Variants in SENP7 observed in about 807,000 individuals in gnomAD.
SENP7 encodes SUMO specific peptidase 7.
A neutral mutation model predicts 141.2 loss-of-function variants in SENP7; 64 were observed. That is an observed-to-expected ratio of 0.45 (90% confidence interval 0.37 to 0.56). The LOEUF is 0.56. Among genes scored for constraint, SENP7 ranks in the 20% least tolerant of loss-of-function variants. The pLI, the probability that SENP7 is intolerant of heterozygous loss-of-function variation, is 0.00. For missense variants in SENP7, 1,025 were observed against 1,212.2 expected (o/e 0.85, Z 2.29); for synonymous variants, 382 against 426.4 (o/e 0.90, Z 1.28).
chr3:101,339,335 T>C (rs1391411059), intron 16 of SENP7, among the ~76,000 whole-genome samples: 1 of 152,170 alleles, frequency 6.6e-6, no homozygotes, highest in Non-Finnish European at 1.5e-5. Flanking sequence ...GGTCTAGAGA[T>C]ACAGTACAAA....
At chr3:101,399,156 A>C in intron 5 of SENP7, 101 bp from the exon 6 acceptor site, 2 of 699,934 alleles carry the variant, frequency 2.9e-6, no homozygotes, top group Non-Finnish European at 4.3e-6. Context: ...ATCTTAGCAC[A>C]AGAAAGCTGT....
At chr3:101,507,586 A>G (rs1216360540) in intron 1 of SENP7, among the ~76,000 whole-genome samples, 1 of 152,148 alleles carries the variant, frequency 6.6e-6, no homozygotes, top group Non-Finnish European at 1.5e-5. Context: ...TTTATTAGAT[A>G]TATTACTTTG....
At chr3:101,440,568 T>TAAAA (rs1559829706) in intron 4 of SENP7, among the ~76,000 whole-genome samples, 1 of 84,964 alleles carries the variant, frequency 1.2e-5, no homozygotes, top group African/African-American at 5.8e-5. Flanking sequence ...GAATTATCAA[T>TAAAA]AAAAAAATAA....
At chr3:101,507,755 T>A (rs2065680674) in intron 1 of SENP7, among the ~76,000 whole-genome samples, 1 of 152,034 alleles carries the variant, frequency 6.6e-6, no homozygotes, top group African/African-American at 2.4e-5. Flanking sequence ...TTAACATAAA[T>A]TGGATACATT....
At chr3:101,483,961 C>T (rs936457760) in intron 3 of SENP7, among the ~76,000 whole-genome samples, 3 of 151,924 alleles carry the variant, frequency 2.0e-5, no homozygotes, top group South Asian at 2.1e-4. Flanking sequence ...CAGGAGACGG[C>T]GGTTGCAGTA....
chr3:101,462,741 G>A (rs1360529102), intron 3 of SENP7, among the ~76,000 whole-genome samples: 1 of 151,824 alleles, frequency 6.6e-6, no homozygotes, highest in East Asian at 1.9e-4. Context: ...GGTGGTGCAT[G>A]CCTGTAGTCC....
At chr3:101,349,766 A>G (rs1283456946) in intron 12 of SENP7, among the ~76,000 whole-genome samples, 3 of 152,180 alleles carry the variant, frequency 2.0e-5, no homozygotes, top group African/African-American at 7.2e-5. Flanking sequence ...CTCATTACCA[A>G]GTCTGCCCCC....
At chr3:101,371,653 C>T (rs981371264) in intron 7 of SENP7, among the ~76,000 whole-genome samples, 3 of 151,822 alleles carry the variant, frequency 2.0e-5, no homozygotes, top group Non-Finnish European at 2.9e-5. Context: ...TCATGGTAGG[C>T]AAATAGACAG....
intron 11 of SENP7, chr3:101,357,588 A>T (rs560558704): frequency 8.5e-6 from 10 of 1,175,860 alleles, no homozygotes; most frequent in Admixed American, 2.2e-5. Context: ...TTACAGTTTA[A>T]AAAAAGCTGT....
intron 3 of SENP7, among the ~76,000 whole-genome samples, chr3:101,459,492 T>C (rs944609254): frequency 6.6e-5 from 10 of 152,144 alleles, no homozygotes; most frequent in Admixed American, 5.9e-4. Flanking sequence ...ATTGACAGAG[T>C]TTAGATTAAA....
intron 20 of SENP7, among the ~76,000 whole-genome samples, chr3:101,329,970 A>T (rs915706489): frequency 2.0e-5 from 3 of 151,072 alleles, no homozygotes; most frequent in Non-Finnish European, 4.4e-5. Context: ...AAAAAAAAAA[A>T]GGAAGAAAGA....
chr3:101,399,599 T>A (rs1249809160), intron 5 of SENP7, among the ~76,000 whole-genome samples: 1 of 152,216 alleles, frequency 6.6e-6, no homozygotes, highest in Non-Finnish European at 1.5e-5. Context: ...TGTAATAGCA[T>A]CAGGAAAAGA....
intron 5 of SENP7, among the ~76,000 whole-genome samples, chr3:101,416,424 C>T (rs2061624398): frequency 6.6e-6 from 1 of 152,104 alleles, no homozygotes; most frequent in Non-Finnish European, 1.5e-5. Context: ...TTTAAAGGTT[C>T]CTTTCAAAAG....
chr3:101,485,191 AAAGGACATAT>A (rs1208452488), intron 3 of SENP7, among the ~76,000 whole-genome samples: 1 of 152,054 alleles, frequency 6.6e-6, no homozygotes, highest in East Asian at 1.9e-4. Context: ...AGCATAAGAC[AAAGGACATAT>A]AACCTTGGGA....
intron 6 of SENP7, among the ~76,000 whole-genome samples, chr3:101,373,842 A>C (rs1439015465): frequency 6.6e-6 from 1 of 152,188 alleles, no homozygotes; most frequent in African/African-American, 2.4e-5. Flanking sequence ...TCACGTGTTT[A>C]AAGATAAGGA....
At chr3:101,387,295 C>T (rs2060685226) in intron 6 of SENP7, among the ~76,000 whole-genome samples, 1 of 152,122 alleles carries the variant, frequency 6.6e-6, no homozygotes, top group Admixed American at 6.5e-5. Flanking sequence ...ATTGAGAGGC[C>T]TGACAATAGG....
At chr3:101,392,090 T>C (rs1363820865) in intron 6 of SENP7, among the ~76,000 whole-genome samples, 2 of 152,174 alleles carry the variant, frequency 1.3e-5, no homozygotes, top group Admixed American at 1.3e-4. Context: ...AGGCCCTATA[T>C]GACAAATCCA....
chr3:101,511,617 A>G (rs889130517), intron 1 of SENP7, among the ~76,000 whole-genome samples: 3 of 152,110 alleles, frequency 2.0e-5, no homozygotes, highest in Admixed American at 1.3e-4. Flanking sequence ...AAAGGAAAAA[A>G]CTATTATCTC....
intron 2 of SENP7, among the ~76,000 whole-genome samples, chr3:101,495,510 T>C (rs1048007984): frequency 6.6e-6 from 1 of 152,166 alleles, no homozygotes; most frequent in Non-Finnish European, 1.5e-5. Context: ...CAAATCCCCA[T>C]CAATGATAGA....
Sources: allele counts gnomAD v4.1 joint callset (sites outside exome capture counted in the v4.1 genomes callset), GRCh38; gene constraint gnomAD v4.1.1; transcripts MANE v1.5; gene names NCBI Gene and HGNC (gene_info 2026-07-23, HGNC 2026-07-21).